The following NBL1 variants were observed in gnomAD, a reference collection of about 807,000 sequenced individuals.
NBL1 encodes neuroblastoma suppressor of tumorigenicity 1.
In NBL1, 9 loss-of-function variants were observed where a neutral mutation model predicts 16.0. That is an observed-to-expected ratio of 0.56 (90% confidence interval 0.34 to 0.98). The LOEUF (loss-of-function observed/expected upper bound fraction) is 0.98, where lower values mean the gene tolerates loss of function less well. Among genes scored for constraint, NBL1 ranks in the 50% least tolerant of loss-of-function variants. The pLI, the probability that NBL1 is intolerant of heterozygous loss-of-function variation, is 0.02. For missense variants in NBL1, 196 were observed against 243.1 expected (o/e 0.81, Z 1.29); for synonymous variants, 86 against 100.7 (o/e 0.85, Z 0.87).
Position 19,657,008 on chromosome 1 carries a change from C to G in NBL1, c.425C>G (p.Pro142Arg). 1 of 1,587,690 alleles carries G rather than the reference C, an allele frequency of 6.3e-7. No homozygotes were observed. Among genetic ancestry groups the G allele is most frequent in the Non-Finnish European group, 8.6e-7 (1 of 1,167,720 alleles). The change falls in exon 4 of 4, where the codon CCG becomes CGG. Residue 142 changes from proline (P) to arginine (R), a missense_variant. Physicochemically the swap from Pro to Arg is moderately radical, Grantham distance 103. Coordinates refer to ENST00000375136, the MANE Select transcript of NBL1 (RefSeq NM_005380.8). ...GTCTATGTGCAGGGCGAGGACGGGC[C>G]GGGATCCCAGCCCGGCACCCACCCT... ...LSVYVQGEDGPGSQPGTHPHP... is the reference protein window; with the variant it reads ...LSVYVQGEDGRGSQPGTHPHP...
At chr1:19,653,285 C>CAAAAA (rs10631531) in intron 1 of NBL1, among the ~76,000 whole-genome samples, 7 of 92,770 alleles carry the variant, frequency 7.5e-5, no homozygotes, top group East Asian at 3.7e-4. Context: ...GACTCCGTCT[C>CAAAAA]AAAAAAAAAA....
intron 1 of NBL1, chr1:19,647,762 G>GCTCT: frequency 6.9e-6 from 5 of 724,994 alleles, no homozygotes; most frequent in Non-Finnish European, 5.1e-6. Context: ...GGGAGGGAGA[G>GCTCT]CCCTGCCCTT....
chr1:19,647,694 C>G (rs932138354), intron 1 of NBL1: 1 of 985,012 alleles, frequency 1.0e-6, no homozygotes, highest in Non-Finnish European at 1.2e-6. Context: ...TCTCCATCAG[C>G]TGGGGCCAAG....
At position 19,644,663 on chromosome 1, in the gene NBL1, C is replaced by CG. The variant is rs1393724942; in HGVS notation, c.-20+223dup. The stretch of plus-strand genomic sequence containing the variant: ...GGACGTGGGCGCGGCACGGGGTGGC[C>CG]GGGGGGCACCGCCGCGTCCGGAGCC... On this transcript the variant is annotated intron_variant, in intron 1 of 3. Transcript: ENST00000375136. The surrounding 1 kb of genome is among the most constrained non-coding windows in gnomAD (Gnocchi z 4.6). Among the ~76,000 whole-genome samples the CG allele has an allele frequency of 1.3e-5, 2 of 151,472 alleles. No individual in the cohort carries two copies. The highest frequency in any genetic ancestry group is 3.0e-5 in the Non-Finnish European group (2 of 67,756).
chr1:19,655,052 G>A lies in NBL1; in HGVS notation c.22G>A (p.Gly8Arg), dbSNP rs2095048159. The A allele has an allele frequency of 6.2e-7, 1 of 1,611,198 alleles. No homozygotes were observed. Among genetic ancestry groups the A allele is most frequent in the African/African-American group, 1.3e-5 (1 of 75,004 alleles). ...GGGCATGATGCTTCGGGTCCTGGTG[G>A]GGGCTGTCCTCCCTGCCATGCTACT... MMLRVLVGAVLPAMLLAA... is the reference protein window; with the variant it reads MMLRVLVRAVLPAMLLAA... The change falls in exon 2 of 4, where the codon GGG becomes AGG. Residue 8 changes from glycine (G) to arginine (R), a missense_variant. By Grantham distance (125) the Gly-to-Arg change is moderately radical (BLOSUM62 -2). Transcript: ENST00000375136.
At chr1:19,645,530 G>A (rs1185201981) in intron 1 of NBL1, 46 of 1,014,068 alleles carry the variant, frequency 4.5e-5, no homozygotes, top group Non-Finnish European at 5.3e-5. Flanking sequence ...GGAAAACAGA[G>A]GTCAGGGCTG....
At chr1:19,646,955 G>T (rs1206370899) in intron 1 of NBL1, among the ~76,000 whole-genome samples, 1 of 152,252 alleles carries the variant, frequency 6.6e-6, no homozygotes, top group Non-Finnish European at 1.5e-5. Context: ...CGAGGATCCT[G>T]TGGGAGCGAG....
chr1:19,645,929 C>T (rs1489074033), intron 1 of NBL1: 10 of 1,550,094 alleles, frequency 6.5e-6, no homozygotes, highest in Non-Finnish European at 8.7e-6. Context: ...GTGAGGTCTG[C>T]AGTGGAACTT....
intron 1 of NBL1, chr1:19,646,039 GA>G: frequency 6.4e-7 from 1 of 1,550,770 alleles, no homozygotes. Context: ...CTGCGGTAAG[GA>G]GGGCCGTGGC....
chr1:19,654,242 C>A (rs1553314247), intron 1 of NBL1, among the ~76,000 whole-genome samples: 2 of 152,058 alleles, frequency 1.3e-5, no homozygotes, highest in Non-Finnish European at 2.9e-5. Context: ...GAAACCTGGT[C>A]TTTACAGAAA....
intron 1 of NBL1, among the ~76,000 whole-genome samples, chr1:19,653,062 C>T (rs1370127356): frequency 2.6e-5 from 4 of 151,102 alleles, no homozygotes; most frequent in African/African-American, 9.7e-5. Flanking sequence ...CTGAGGCGGG[C>T]GGATCACGAG....
At position 19,644,831 on chromosome 1, in the gene NBL1, G is replaced by T. The variant is rs1430059355; in HGVS notation, c.-20+385G>T. 6.6e-6 allele frequency among the ~76,000 whole-genome samples: 1 copy of T among 152,092 alleles called. No homozygotes were observed. Among genetic ancestry groups the T allele is most frequent in the Non-Finnish European group, 1.5e-5 (1 of 67,976 alleles). On this transcript the variant is annotated intron_variant, in intron 1 of 3. Coordinates refer to ENST00000375136, the MANE Select transcript of NBL1 (RefSeq NM_005380.8). The surrounding 1 kb of genome is among the most constrained non-coding windows in gnomAD (Gnocchi z 4.6). ...CCGTGCCCGGGCCTCGCCGCGCCGC[G>T]CCTCTCGGCTCTGGACGTTTCCGCC...
intron 3 of NBL1, 91 bp from the exon 4 acceptor site, chr1:19,656,775 T>C (rs1366598762): frequency 6.8e-7 from 1 of 1,461,670 alleles, no homozygotes; most frequent in Non-Finnish European, 9.1e-7. Flanking sequence ...TCTGGGATTC[T>C]TGATCCCATG....
rs765257995 is a variant in NBL1, at chr1:19,655,136, G to A, written c.106G>A (p.Glu36Lys). 6.2e-6 allele frequency: 10 copies of A among 1,611,374 alleles called. No homozygotes were observed. Among genetic ancestry groups the A allele is most frequent in the East Asian group, 2.2e-5 (1 of 44,776 alleles). Residue 36 changes from glutamate to lysine, a missense_variant, in exon 2 of 4, where the codon GAA (glutamate) becomes AAA (lysine). Glu to Lys is a moderately conservative substitution (Grantham distance 56, BLOSUM62 1). Transcript: ENST00000375136. ...GTTCCCAGATAAGAGTGCCTGGTGCGAAGCCAAGAACATCACCCAGATCGT... is the reference window on the plus strand; with the variant it reads ...GTTCCCAGATAAGAGTGCCTGGTGCAAAGCCAAGAACATCACCCAGATCGT... ...ALFPDKSAWC[E>K]AKNITQIVGH...
chr1:19,645,964 C>T, intron 1 of NBL1: 1 of 1,550,498 alleles, frequency 6.4e-7, no homozygotes, highest in Non-Finnish European at 8.7e-7. Context: ...TGCAGCCTGG[C>T]CCTGCAGCAG....
At chr1:19,650,249 C>T (rs868572261) in intron 1 of NBL1, among the ~76,000 whole-genome samples, 1 of 152,250 alleles carries the variant, frequency 6.6e-6, no homozygotes, top group Non-Finnish European at 1.5e-5. Context: ...TGGCACATTT[C>T]TCAGAGTGCA....
At chr1:19,643,429 C>T (rs2100375202), upstream of NBL1, 2 of 1,612,040 alleles carry the variant, frequency 1.2e-6, no homozygotes, top group Non-Finnish European at 1.7e-6. The surrounding 1 kb of genome is among the most constrained non-coding windows in gnomAD (Gnocchi z 4.7). Context: ...ATCCCCAAGT[C>T]CTACAATCGT....
At position 19,655,117 on chromosome 1, in the gene NBL1, A is replaced by G; in HGVS notation, c.87A>G (p.Pro29=). The G allele has an allele frequency of 6.2e-7, 1 of 1,612,704 alleles. No homozygotes were observed. Among genetic ancestry groups the G allele is most frequent in the Non-Finnish European group, 8.5e-7 (1 of 1,179,668 alleles). Residue 29 remains proline (P), a synonymous_variant, in exon 2 of 4, where the codon CCA becomes CCG. Transcript: ENST00000375136. The stretch of plus-strand genomic sequence containing the variant: ...CCATCAACAAGCTGGCACTGTTCCC[A>G]GATAAGAGTGCCTGGTGCGAAGCCA... The part of the protein sequence containing the change: ...PPPINKLALF[P]DKSAWCEAKN...
chr1:19,648,610 G>T (rs537305493), intron 1 of NBL1, among the ~76,000 whole-genome samples: 2 of 152,200 alleles, frequency 1.3e-5, no homozygotes, highest in Admixed American at 6.5e-5. Context: ...TGGGAGCTAC[G>T]GGTGGGTCAC....
Sources: allele counts gnomAD v4.1 joint callset (sites outside exome capture counted in the v4.1 genomes callset), GRCh38; gene constraint gnomAD v4.1.1; non-coding constraint Gnocchi (gnomAD v3.1); transcripts MANE v1.5; gene names NCBI Gene and HGNC (gene_info 2026-07-23, HGNC 2026-07-21).